The following LSAMP variants were observed in gnomAD, a reference collection of about 807,000 sequenced individuals.
The protein encoded by LSAMP is limbic system associated membrane protein, also known as limbic system-associated membrane protein.
Under a neutral mutation model 38.6 loss-of-function variants are expected in LSAMP, and 7 were observed. That is an observed-to-expected ratio of 0.18 (90% CI 0.10 to 0.34). The LOEUF (loss-of-function observed/expected upper bound fraction) is 0.34. Among genes scored for constraint, LSAMP ranks in the 10% least tolerant of loss-of-function variants. LSAMP has a pLI of 1.00. For synonymous variants in LSAMP, 154 were observed against 166.8 expected (o/e 0.92, Z 0.59); for missense variants, 313 against 420.0 (o/e 0.75, Z 2.23).
intron 2 of LSAMP, among the ~76,000 whole-genome samples, chr3:116,044,769 G>A (rs1941253071): frequency 6.6e-6 from 1 of 152,170 alleles, no homozygotes. Flanking sequence ...AGGCTGTACA[G>A]GAGGGTAATG....
chr3:116,217,627 A>G (rs1487886259), intron 1 of LSAMP, among the ~76,000 whole-genome samples: 1 of 152,214 alleles, frequency 6.6e-6, no homozygotes, highest in East Asian at 1.9e-4. Flanking sequence ...CCATGTGCCA[A>G]TTACTGTGCT....
intron 1 of LSAMP, among the ~76,000 whole-genome samples, chr3:116,124,261 T>A (rs923246437): frequency 1.3e-5 from 2 of 152,192 alleles, no homozygotes; most frequent in African/African-American, 4.8e-5. Flanking sequence ...TTTGCCTAGT[T>A]TGAATAGAAG....
intron 4 of LSAMP, among the ~76,000 whole-genome samples, chr3:115,848,204 T>G (rs1022349298): frequency 6.6e-6 from 1 of 152,184 alleles, no homozygotes; most frequent in Non-Finnish European, 1.5e-5. Flanking sequence ...CAGGCAGATC[T>G]CTTAAGGTCA....
At chr3:116,077,938 A>C (rs1707782829) in intron 2 of LSAMP, among the ~76,000 whole-genome samples, 1 of 152,206 alleles carries the variant, frequency 6.6e-6, no homozygotes, top group African/African-American at 2.4e-5. Flanking sequence ...TATTTCACAG[A>C]AGTGATGTGT....
At position 116,059,380 on chromosome 3, in the gene LSAMP, T is replaced by A. The variant is rs1196052829; in HGVS notation, c.388+26944A>T. 2.6e-5 allele frequency among the ~76,000 whole-genome samples: 4 copies of A among 152,252 alleles called. No individual in the cohort carries two copies. In the East Asian group the frequency reaches 7.7e-4, roughly 29 times the overall value. On this transcript the variant is annotated intron_variant, in intron 2 of 6. Transcript: ENST00000490035. ...AGGAGAAGATGTGTTCCTTTAGCTC[T>A]GCTTCTTTTGGAACCCCCTTGGTAT...
At chr3:116,314,214 C>A (rs965951667) in intron 1 of LSAMP, among the ~76,000 whole-genome samples, 4 of 152,204 alleles carry the variant, frequency 2.6e-5, no homozygotes, top group African/African-American at 4.8e-5. Context: ...TTGAGTCCAA[C>A]ATCTAATAAT....
intron 6 of LSAMP, among the ~76,000 whole-genome samples, chr3:115,813,659 A>G (rs1415834087): frequency 6.6e-6 from 1 of 152,206 alleles, no homozygotes; most frequent in East Asian, 1.9e-4. Flanking sequence ...GCTTAAAAAT[A>G]CAAGGGTAAA....
At chr3:116,236,506 T>C (rs1479952831) in intron 1 of LSAMP, among the ~76,000 whole-genome samples, 3 of 152,152 alleles carry the variant, frequency 2.0e-5, no homozygotes, top group African/African-American at 7.2e-5. Flanking sequence ...TCACTCACTA[T>C]TGGTGCCCAC....
At chr3:115,839,933 T>TAA (rs558437787) in intron 6 of LSAMP, among the ~76,000 whole-genome samples, 171 of 152,356 alleles carry the variant, frequency 1.1e-3, no homozygotes, top group Non-Finnish European at 2.0e-3. Context: ...TTAAGTCCTT[T>TAA]AAATGGACTT....
chr3:116,419,474 C>CT (rs1195264288), intron 1 of LSAMP, among the ~76,000 whole-genome samples: 3 of 152,020 alleles, frequency 2.0e-5, no homozygotes, highest in South Asian at 2.1e-4. Flanking sequence ...GTTTAAATTT[C>CT]TTTTTTTAGA....
At chr3:116,324,336 T>C (rs564794852) in intron 1 of LSAMP, among the ~76,000 whole-genome samples, 3 of 152,278 alleles carry the variant, frequency 2.0e-5, no homozygotes, top group South Asian at 4.1e-4. Context: ...TAAAACACAA[T>C]GTTATGATAC....
intron 3 of LSAMP, among the ~76,000 whole-genome samples, chr3:115,857,138 A>T (rs1179967096): frequency 6.6e-6 from 1 of 152,216 alleles, no homozygotes; most frequent in Non-Finnish European, 1.5e-5. Context: ...ATCGTTTTGG[A>T]AACCAACAGA....
At chr3:115,847,231 C>G (rs1322172140) in intron 4 of LSAMP, among the ~76,000 whole-genome samples, 1 of 152,118 alleles carries the variant, frequency 6.6e-6, no homozygotes. Flanking sequence ...TTTTTGTCCT[C>G]TCTACGTGGG....
chr3:116,079,803 A>AG (rs1182452448), intron 2 of LSAMP, among the ~76,000 whole-genome samples: 1 of 152,026 alleles, frequency 6.6e-6, no homozygotes, highest in Non-Finnish European at 1.5e-5. Context: ...TGAAAACAAT[A>AG]GAAATAACTA....
At chr3:115,852,398 C>T (rs1006362787) in intron 4 of LSAMP, 85 bp downstream of exon 4, 1 of 1,447,162 alleles carries the variant, frequency 6.9e-7, no homozygotes, top group Admixed American at 2.4e-5. Context: ...ATACAATGTT[C>T]TTTTGCTAAT....
At chr3:116,173,761 TAGA>T (rs781743722) in intron 1 of LSAMP, among the ~76,000 whole-genome samples, 2 of 144,826 alleles carry the variant, frequency 1.4e-5, no homozygotes, top group Non-Finnish European at 3.0e-5. Context: ...ATAGAAGAAA[TAGA>T]AGAAGAGGGG....
At chr3:116,142,388 C>T (rs975935576) in intron 1 of LSAMP, among the ~76,000 whole-genome samples, 2 of 151,922 alleles carry the variant, frequency 1.3e-5, no homozygotes, top group African/African-American at 4.8e-5. Flanking sequence ...CTTGTTCCAC[C>T]TGTAATCTGC....
chr3:116,101,436 A>G (rs571195512), intron 1 of LSAMP, among the ~76,000 whole-genome samples: 2 of 152,218 alleles, frequency 1.3e-5, no homozygotes, highest in Non-Finnish European at 2.9e-5. Context: ...TTAAATTGAC[A>G]TGTAATAATT....
chr3:115,817,824 A>T (rs557182803), intron 6 of LSAMP, among the ~76,000 whole-genome samples: 22 of 152,206 alleles, frequency 1.4e-4, no homozygotes, highest in Non-Finnish European at 2.4e-4. Context: ...ATTAATATAT[A>T]AAACAATGGT....
Sources: gnomAD v4.1 joint callset for allele counts (sites outside exome capture counted in the v4.1 genomes callset) on GRCh38, gnomAD v4.1.1 for gene constraint, MANE v1.5 for transcripts, NCBI Gene and HGNC (gene_info 2026-07-23, HGNC 2026-07-21) for gene names.